Variants in RAP1A observed in about 807,000 individuals in gnomAD.
RAP1A encodes the protein RAP1A, member of RAS oncogene family.
Under a neutral mutation model 26.4 loss-of-function variants are expected in RAP1A, and 6 were observed. The ratio of observed to expected loss-of-function variants is 0.23; its 90% CI spans 0.12 to 0.45. RAP1A has a LOEUF of 0.45. Among genes scored for constraint, RAP1A ranks in the 20% least tolerant of loss-of-function variants. RAP1A has a pLI of 0.99. For missense variants in RAP1A, 121 were observed against 217.2 expected, an observed-to-expected ratio of 0.56 and a Z score of 2.78; for synonymous variants, 73 against 79.4, an observed-to-expected ratio of 0.92 and a Z score of 0.43.
intron 1 of RAP1A, among the ~76,000 whole-genome samples, chr1:111,678,048 C>T (rs1180308954): frequency 1.3e-5 from 2 of 152,184 alleles, no homozygotes; most frequent in Non-Finnish European, 2.9e-5. Context: ...TGTATTACTA[C>T]AGTTTTATAG....
chr1:111,711,780 A>G lies in RAP1A; in HGVS notation c.*30-651A>G, dbSNP rs558816782. Among the ~76,000 whole-genome samples the G allele has an allele frequency of 8.1e-4, 124 of 152,346 alleles. No homozygotes were observed. In the Middle Eastern group the frequency reaches 0.01, roughly 13 times the overall value. On this transcript the variant is annotated intron_variant, in intron 7 of 7. Coordinates refer to ENST00000369709, the MANE Select transcript of RAP1A (RefSeq NM_002884.4). The stretch of plus-strand genomic sequence containing the variant: ...CCACCTTATCTAGTCCATAGCCTTT[A>G]GGCAAAATTGTATTGAATCATGTTA...
At chr1:111,620,024 G>GGTCA (rs1553214520) in intron 1 of RAP1A, 90 bp downstream of exon 1, 2 of 395,542 alleles carry the variant, frequency 5.1e-6, no homozygotes, top group Non-Finnish European at 8.9e-6. Flanking sequence ...TCATGTCGCC[G>GGTCA]GTCAGTCGCC....
intron 1 of RAP1A, among the ~76,000 whole-genome samples, chr1:111,599,279 C>T (rs1223594571): frequency 6.6e-6 from 1 of 152,046 alleles, no homozygotes; most frequent in Non-Finnish European, 1.5e-5. Context: ...AATCTCGGCT[C>T]ACTGTAACCT....
intron 1 of RAP1A, among the ~76,000 whole-genome samples, chr1:111,640,203 A>G (rs1246848971): frequency 1.3e-5 from 2 of 152,244 alleles, no homozygotes; most frequent in African/African-American, 2.4e-5. Context: ...AAAAACTTCA[A>G]ATTCATTTAA....
intron 3 of RAP1A, 49 bp from the exon 4 acceptor site, chr1:111,697,392 G>T (rs1031884482): frequency 1.2e-5 from 19 of 1,606,176 alleles, no homozygotes; most frequent in Non-Finnish European, 1.6e-5. Flanking sequence ...AAAACAGAAT[G>T]AGATTTTGAT....
At chr1:111,690,908 T>G (rs944025134) in intron 1 of RAP1A, among the ~76,000 whole-genome samples, 6 of 152,200 alleles carry the variant, frequency 3.9e-5, no homozygotes, top group Non-Finnish European at 8.8e-5. Context: ...AGTATAGAAT[T>G]ACTGTAGGAT....
chr1:111,697,414 AC>A (rs1661868731), intron 3 of RAP1A, 26 bp from the exon 4 acceptor site: 2 of 1,581,190 alleles, frequency 1.3e-6, no homozygotes, highest in Non-Finnish European at 1.7e-6. Flanking sequence ...TTACTCTTTA[AC>A]CTTTTTTTTT....
At position 111,621,114 on chromosome 1, in the gene RAP1A, C is replaced by T. The variant is rs369431314; in HGVS notation, c.-28+1180C>T. On this transcript the variant is annotated intron_variant, in intron 1 of 7. Transcript: ENST00000369709. ...GTAGCCAGCCACTCTTCTTAGGTGG[C>T]GGATGATGTTTTTGTTTTGATTACA... is the stretch of plus-strand genomic sequence containing the variant. 5.9e-5 allele frequency among the ~76,000 whole-genome samples: 9 copies of T among 152,230 alleles called. No individual in the cohort carries two copies. In the East Asian group the frequency reaches 1.7e-3, roughly 29 times the overall value.
intron 1 of RAP1A, among the ~76,000 whole-genome samples, chr1:111,601,395 C>T (rs1428060108): frequency 1.3e-5 from 2 of 151,988 alleles, no homozygotes; most frequent in African/African-American, 4.8e-5. Flanking sequence ...ATGCCAAAGA[C>T]CAGCTGAGGA....
chr1:111,590,111 A>C (rs1388754751), intron 1 of RAP1A, among the ~76,000 whole-genome samples: 1 of 151,986 alleles, frequency 6.6e-6, no homozygotes, highest in Non-Finnish European at 1.5e-5. Context: ...ACATTGGGAC[A>C]CAGCTGATTT....
At chr1:111,664,373 C>CAAAAAAAAAAAAAAAAAAAAAAAAAAAA (rs57610280) in intron 1 of RAP1A, among the ~76,000 whole-genome samples, 1 of 89,870 alleles carries the variant, frequency 1.1e-5, no homozygotes, top group Non-Finnish European at 2.1e-5. Flanking sequence ...GACTCCGTCT[C>CAAAAAAAAAAAAAAAAAAAAAAAAAAAA]AAAAAAAAAA....
At chr1:111,648,331 G>A (rs1571526288) in intron 1 of RAP1A, 2 of 807,772 alleles carry the variant, frequency 2.5e-6, no homozygotes, top group East Asian at 3.2e-5. Context: ...ATACCACTTT[G>A]CCATCCACTA....
chr1:111,571,464 T>G (rs1658047825), intron 1 of RAP1A, among the ~76,000 whole-genome samples: 2 of 152,224 alleles, frequency 1.3e-5, no homozygotes, highest in Admixed American at 6.5e-5. Context: ...CGCTCCAACC[T>G]GAGTCACCTC....
intron 1 of RAP1A, among the ~76,000 whole-genome samples, chr1:111,549,636 T>G (rs1571457938): frequency 7.1e-6 from 1 of 141,644 alleles, no homozygotes; most frequent in Non-Finnish European, 1.5e-5. Flanking sequence ...GGCAACAGAG[T>G]GAGACTCTGT....
chr1:111,648,951 A>T, intron 1 of RAP1A: 2 of 680,956 alleles, frequency 2.9e-6, no homozygotes. Context: ...CATGAAGAAC[A>T]GCTCTTCGTT....
intron 4 of RAP1A, among the ~76,000 whole-genome samples, chr1:111,702,797 T>C (rs934762561): frequency 2.6e-5 from 4 of 152,160 alleles, no homozygotes. Context: ...TGACCTGGGG[T>C]GATACACCTG....
chr1:111,565,684 T>C (rs1657902843), intron 1 of RAP1A, among the ~76,000 whole-genome samples: 1 of 152,212 alleles, frequency 6.6e-6, no homozygotes, highest in Admixed American at 6.5e-5. Context: ...TCCTTTAAAT[T>C]CAACCTTACA....
intron 1 of RAP1A, among the ~76,000 whole-genome samples, chr1:111,584,541 G>A (rs1658323746): frequency 6.6e-6 from 1 of 152,106 alleles, no homozygotes; most frequent in South Asian, 2.1e-4. Context: ...GAGCCCTCAT[G>A]AGTTAATCAC....
intron 1 of RAP1A, among the ~76,000 whole-genome samples, chr1:111,612,489 G>A (rs1000784032): frequency 2.0e-5 from 3 of 152,114 alleles, no homozygotes; most frequent in Non-Finnish European, 4.4e-5. Flanking sequence ...TTCTCCATGG[G>A]TATCTTCCAC....
Sources: gnomAD v4.1 joint callset for allele counts (sites outside exome capture counted in the v4.1 genomes callset) on GRCh38, gnomAD v4.1.1 for gene constraint, MANE v1.5 for transcripts, NCBI Gene and HGNC (gene_info 2026-07-23, HGNC 2026-07-21) for gene names.